TRPM3: variants seen among roughly 807,000 people sequenced by gnomAD.
TRPM3 encodes the protein long transient receptor potential channel 3.
TRPM3 carries 77 observed loss-of-function variants against 181.2 expected under a neutral mutation model. The ratio of observed to expected loss-of-function variants is 0.42; its 90% CI spans 0.35 to 0.51. The LOEUF (loss-of-function observed/expected upper bound fraction) is 0.51, where lower values mean the gene tolerates loss of function less well. Among genes scored for constraint, TRPM3 ranks in the 20% least tolerant of loss-of-function variants. The pLI, the probability that TRPM3 is intolerant of heterozygous loss-of-function variation, is 0.01. For missense variants in TRPM3, 1,759 were observed against 2,196.7 expected (o/e 0.80, Z 3.98); for synonymous variants, 745 against 796.4 (o/e 0.94, Z 1.09).
intron 1 of TRPM3, among the ~76,000 whole-genome samples, chr9:71,413,479 A>C (rs952419555): frequency 6.6e-6 from 1 of 152,068 alleles, no homozygotes; most frequent in Admixed American, 6.6e-5. Flanking sequence ...ACAGGCAGTT[A>C]AGCGCCCAAA....
chr9:71,075,846 T>C (rs2063380041), intron 1 of TRPM3, among the ~76,000 whole-genome samples: 1 of 152,240 alleles, frequency 6.6e-6, no homozygotes, highest in Non-Finnish European at 1.5e-5. Context: ...GTAATGTTCA[T>C]GTCAACGGAG....
chr9:70,765,331 C>T (rs530917552), intron 7 of TRPM3, among the ~76,000 whole-genome samples: 144 of 152,324 alleles, frequency 9.5e-4, no homozygotes, highest in African/African-American at 3.4e-3. Flanking sequence ...TGGCTTATGC[C>T]TGTAATCCCA....
chr9:70,992,888 T>C (rs2134142432), intron 1 of TRPM3, among the ~76,000 whole-genome samples: 1 of 152,286 alleles, frequency 6.6e-6, no homozygotes, highest in South Asian at 2.1e-4. Context: ...CGGGAAGGTA[T>C]TACCTTCCTT....
At chr9:71,226,814 C>G (rs1032373700) in intron 1 of TRPM3, among the ~76,000 whole-genome samples, 2 of 152,026 alleles carry the variant, frequency 1.3e-5, no homozygotes, top group Middle Eastern at 3.2e-3. Context: ...CTACTTTCAG[C>G]GCTGAACAGA....
At chr9:70,674,594 C>T (rs965250367) in intron 9 of TRPM3, among the ~76,000 whole-genome samples, 1 of 152,012 alleles carries the variant, frequency 6.6e-6, no homozygotes, top group Non-Finnish European at 1.5e-5. Flanking sequence ...GGGTCTTGCT[C>T]TGTTGCCCAG....
intron 1 of TRPM3, among the ~76,000 whole-genome samples, chr9:71,430,265 A>G (rs1002927249): frequency 6.6e-6 from 1 of 152,206 alleles, no homozygotes; most frequent in Non-Finnish European, 1.5e-5. Context: ...TAAACAAAAA[A>G]AAGCTTAACA....
chr9:70,924,480 A>G (rs2096699666), intron 1 of TRPM3, among the ~76,000 whole-genome samples: 1 of 152,172 alleles, frequency 6.6e-6, no homozygotes, highest in African/African-American at 2.4e-5. Flanking sequence ...TTTCAACATC[A>G]TTAAATAATG....
intron 1 of TRPM3, among the ~76,000 whole-genome samples, chr9:70,888,486 A>G (rs1310742856): frequency 6.6e-6 from 1 of 151,974 alleles, no homozygotes. Context: ...CTTTTCTCAG[A>G]AAAGTTTACT....
chr9:71,052,660 C>A (rs187369037), intron 1 of TRPM3, among the ~76,000 whole-genome samples: 1 of 152,132 alleles, frequency 6.6e-6, no homozygotes, highest in East Asian at 1.9e-4. Context: ...TCAAACAAAC[C>A]AGATAACCAT....
intron 1 of TRPM3, among the ~76,000 whole-genome samples, chr9:71,020,334 A>T (rs1374745187): frequency 6.6e-6 from 1 of 151,954 alleles, no homozygotes. Flanking sequence ...AATAAAATTA[A>T]CCATGCATGG....
chr9:71,442,660 A>G (rs1000529998), intron 1 of TRPM3, among the ~76,000 whole-genome samples: 4 of 152,226 alleles, frequency 2.6e-5, no homozygotes, highest in African/African-American at 9.6e-5. Flanking sequence ...GGAGAGGATA[A>G]ATATACTTAA....
intron 1 of TRPM3, among the ~76,000 whole-genome samples, chr9:71,365,408 T>C (rs2092302120): frequency 6.6e-6 from 1 of 152,206 alleles, no homozygotes; most frequent in South Asian, 2.1e-4. Flanking sequence ...TTTCTCATCT[T>C]ATAAAACTGT....
At chr9:70,652,424 A>T (rs1367674527) in intron 9 of TRPM3, among the ~76,000 whole-genome samples, 1 of 152,046 alleles carries the variant, frequency 6.6e-6, no homozygotes, top group Admixed American at 6.6e-5. Flanking sequence ...GGGACTTTAT[A>T]AGTTTGGTGG....
intron 8 of TRPM3, among the ~76,000 whole-genome samples, chr9:70,696,174 A>ACCC (rs2070353508): frequency 6.6e-6 from 1 of 152,222 alleles, no homozygotes; most frequent in Non-Finnish European, 1.5e-5. Flanking sequence ...TTGGGCACCC[A>ACCC]ATGAATGTTT....
intron 1 of TRPM3, among the ~76,000 whole-genome samples, chr9:71,357,039 A>T (rs1446042968): frequency 6.6e-6 from 1 of 152,172 alleles, no homozygotes; most frequent in Non-Finnish European, 1.5e-5. Context: ...CTTGAAAAAC[A>T]AAATAGTGAT....
At chr9:70,843,935 A>G (rs1390650407) in intron 4 of TRPM3, among the ~76,000 whole-genome samples, 1 of 152,196 alleles carries the variant, frequency 6.6e-6, no homozygotes, top group African/African-American at 2.4e-5. Context: ...TCCAGGAAAA[A>G]TTTATACCTA....
intron 5 of TRPM3, among the ~76,000 whole-genome samples, chr9:70,836,580 T>C (rs1030751359): frequency 2.0e-5 from 3 of 152,204 alleles, no homozygotes; most frequent in Non-Finnish European, 4.4e-5. Flanking sequence ...GGCATTGCAC[T>C]TCACACTCTT....
intron 1 of TRPM3, among the ~76,000 whole-genome samples, chr9:71,223,229 A>G (rs1007073236): frequency 1.3e-5 from 2 of 152,160 alleles, no homozygotes; most frequent in Non-Finnish European, 2.9e-5. Flanking sequence ...CAGCTACAGA[A>G]GGACAGGGCA....
intron 1 of TRPM3, among the ~76,000 whole-genome samples, chr9:71,287,651 G>T (rs75873949): frequency 7.2e-6 from 1 of 138,890 alleles, no homozygotes; most frequent in African/African-American, 2.7e-5. Flanking sequence ...AAAAAAAAAA[G>T]CCTGGACTAT....
Sources: gnomAD v4.1 joint callset for allele counts (sites outside exome capture counted in the v4.1 genomes callset) on GRCh38, gnomAD v4.1.1 for gene constraint, MANE v1.5 for transcripts, NCBI Gene and HGNC (gene_info 2026-07-23, HGNC 2026-07-21) for gene names.